Variants in ADAM9 observed in about 807,000 individuals in gnomAD.
The protein encoded by ADAM9 is disintegrin and metalloproteinase domain-containing protein 9.
In ADAM9, 54 loss-of-function variants were observed where a neutral mutation model predicts 108.1. The ratio of observed to expected loss-of-function variants is 0.50; its 90% CI spans 0.40 to 0.63. The LOEUF (loss-of-function observed/expected upper bound fraction) is 0.63, where lower values mean the gene tolerates loss of function less well. Ranked by LOEUF, ADAM9 falls within the 20% of genes least tolerant of loss-of-function variation. ADAM9 has a pLI of 0.00. For synonymous variants in ADAM9, 316 were observed against 336.0 expected (o/e 0.94, Z 0.65); for missense variants, 830 against 997.7 (o/e 0.83, Z 2.26).
intron 3 of ADAM9, among the ~76,000 whole-genome samples, chr8:39,013,091 A>G (rs1367774481): frequency 6.6e-6 from 1 of 152,190 alleles, no homozygotes; most frequent in Non-Finnish European, 1.5e-5. Flanking sequence ...CAGCTGCTCC[A>G]GTCCTGCTGC....
Position 39,016,178 on chromosome 8 carries a change from G to T in ADAM9, c.394G>T (p.Asp132Tyr), listed in dbSNP as rs761792735. 1.2e-6 allele frequency: 2 copies of T among 1,613,446 alleles called. No homozygotes were observed. The highest frequency in any genetic ancestry group is 1.7e-6 in the Non-Finnish European group (2 of 1,179,666). Residue 132 changes from aspartate to tyrosine, a missense_variant, in exon 5 of 22, where the codon GAC becomes TAC. By Grantham distance (160) the Asp-to-Tyr change is radical (BLOSUM62 -3). Coordinates refer to ENST00000487273, the MANE Select transcript of ADAM9 (RefSeq NM_003816.3). ...GVHNSSIALS[D>Y]CFGLRGLLHL... The stretch of plus-strand genomic sequence containing the variant: ...TCATAATTCATCCATTGCTCTTAGC[G>T]ACTGTTTTGGACTCAGGTAAGCAAT...
chr8:39,004,857 G>A (rs1443098726), intron 1 of ADAM9, among the ~76,000 whole-genome samples: 2 of 152,184 alleles, frequency 1.3e-5, no homozygotes, highest in Non-Finnish European at 2.9e-5. Flanking sequence ...CAGTGAGGAC[G>A]ACCAGAGGTC....
intron 1 of ADAM9, among the ~76,000 whole-genome samples, chr8:39,002,460 A>G (rs1298033831): frequency 6.6e-6 from 1 of 151,656 alleles, no homozygotes; most frequent in African/African-American, 2.4e-5. Flanking sequence ...CTGGGACTAC[A>G]GGCACGCACC....
intron 18 of ADAM9, among the ~76,000 whole-genome samples, chr8:39,087,385 T>C (rs1340608649): frequency 6.6e-6 from 1 of 152,258 alleles, no homozygotes; most frequent in African/African-American, 2.4e-5. Context: ...CCACCTTGGC[T>C]ATAACTGGAA....
intron 14 of ADAM9, among the ~76,000 whole-genome samples, chr8:39,070,107 C>T (rs1201681346): frequency 1.4e-5 from 2 of 147,854 alleles, no homozygotes; most frequent in African/African-American, 5.0e-5. Flanking sequence ...GAGCTATGAC[C>T]TTGCCACTGC....
chr8:39,020,702 T>A (rs1267563156), intron 7 of ADAM9, among the ~76,000 whole-genome samples: 1 of 152,234 alleles, frequency 6.6e-6, no homozygotes, highest in Non-Finnish European at 1.5e-5. Flanking sequence ...AGAAATGGTT[T>A]ATTGGTGCTG....
At chr8:38,997,279 G>C in intron 1 of ADAM9, 119 bp downstream of exon 1, 1 of 1,230,084 alleles carries the variant, frequency 8.1e-7, no homozygotes, top group Non-Finnish European at 1.1e-6. Flanking sequence ...CCCGGGGTCG[G>C]GGGGCGCGGC....
intron 1 of ADAM9, among the ~76,000 whole-genome samples, chr8:38,998,655 G>C (rs533525803): frequency 2.0e-5 from 3 of 152,220 alleles, no homozygotes; most frequent in South Asian, 2.1e-4. Context: ...AGAGATGTTG[G>C]GGAAGATTTT....
chr8:39,006,089 G>C (rs1836152235), intron 1 of ADAM9, among the ~76,000 whole-genome samples: 1 of 152,180 alleles, frequency 6.6e-6, no homozygotes, highest in Admixed American at 6.5e-5. Context: ...ACCTCGTACA[G>C]GGACTGTGTA....
At chr8:39,100,973 A>G (rs191995310) in intron 20 of ADAM9, among the ~76,000 whole-genome samples, 2 of 152,380 alleles carry the variant, frequency 1.3e-5, no homozygotes, top group Non-Finnish European at 2.9e-5. Context: ...GGAAGGATAT[A>G]ATGAATTCCA....
At chr8:39,095,474 T>G (rs1839475061) in intron 20 of ADAM9, among the ~76,000 whole-genome samples, 1 of 152,196 alleles carries the variant, frequency 6.6e-6, no homozygotes, top group African/African-American at 2.4e-5. Context: ...TGATTTTGAG[T>G]CCTAATATTG....
chr8:39,010,913 T>C (rs1451155853), intron 2 of ADAM9, among the ~76,000 whole-genome samples: 3 of 151,898 alleles, frequency 2.0e-5, no homozygotes, highest in African/African-American at 7.3e-5. Context: ...ACCAATGTGG[T>C]GAAACCCCGT....
chr8:39,079,705 C>G (rs867724593), intron 16 of ADAM9, among the ~76,000 whole-genome samples: 1 of 152,038 alleles, frequency 6.6e-6, no homozygotes, highest in Non-Finnish European at 1.5e-5. Flanking sequence ...GTGCCTCAGC[C>G]TCCCCAGTAG....
chr8:39,093,737 C>G (rs560487827), intron 20 of ADAM9, among the ~76,000 whole-genome samples: 1 of 152,178 alleles, frequency 6.6e-6, no homozygotes, highest in African/African-American at 2.4e-5. Context: ...TGATGTACAG[C>G]CTTTATTGTT....
chr8:39,002,291 G>C lies in ADAM9; in HGVS notation c.97+5131G>C, dbSNP rs115232725. ...CATGGTTTGGAGTTCACATTTGTTT[G>C]CTTTGCAATTAGGTAGAATTCTTTT... On this transcript the variant is annotated intron_variant, in intron 1 of 21. Coordinates refer to ENST00000487273, the MANE Select transcript of ADAM9 (RefSeq NM_003816.3). Among the ~76,000 whole-genome samples, 449 of 141,700 alleles carry C rather than the reference G, an allele frequency of 3.2e-3. 2 individuals are homozygous for C. The highest frequency in any genetic ancestry group is 0.011 in the Middle Eastern group (3 of 262). 93.0% of individuals were successfully genotyped at this position (141,700 alleles called of 152,430 possible). A position where few individuals can be genotyped will look rare whatever the true frequency, so the allele number is the denominator to read the frequency against.
At position 39,055,605 on chromosome 8, in the gene ADAM9, GA is replaced by G; in HGVS notation, c.1429del (p.Thr477ProfsTer67). ...RFLPGGTLCRGKTSECDVPEY... is the reference protein window; with the variant it reads ...RFLPGGTLCRXKTSECDVPEY... ...CTTCCAGGAGGTACTTTATGCCGAG[GA>G]AAAACCAGTGAGTGTGATGTTCCAG... On this transcript the variant is annotated frameshift_variant, in exon 14 of 22. Transcript: ENST00000487273. LOFTEE classifies it high-confidence loss of function. The G allele has an allele frequency of 6.2e-7, 1 of 1,613,570 alleles. No individual in the cohort carries two copies. Among genetic ancestry groups the G allele is most frequent in the Non-Finnish European group, 8.5e-7 (1 of 1,179,704 alleles).
At chr8:39,082,792 A>G in intron 17 of ADAM9, 71 bp downstream of exon 17, 1 of 1,418,062 alleles carries the variant, frequency 7.1e-7, no homozygotes, top group South Asian at 1.2e-5. Context: ...GGACTAGATG[A>G]GAGTTCCCAG....
At chr8:39,025,560 C>G (rs1346415432) in intron 9 of ADAM9, among the ~76,000 whole-genome samples, 1 of 152,062 alleles carries the variant, frequency 6.6e-6, no homozygotes, top group Non-Finnish European at 1.5e-5. Context: ...GGAGAGGTTT[C>G]ACCTAGAAGG....
At chr8:39,041,833 GCTT>G (rs1837463530) in intron 11 of ADAM9, 110 bp from the exon 12 acceptor site, 5 of 951,716 alleles carry the variant, frequency 5.3e-6, no homozygotes, top group Middle Eastern at 3.3e-4. Flanking sequence ...ACTTTTATTA[GCTT>G]CTTTTCTGTC....
Sources: allele counts gnomAD v4.1 joint callset (sites outside exome capture counted in the v4.1 genomes callset), GRCh38; gene constraint gnomAD v4.1.1; transcripts MANE v1.5; gene names NCBI Gene and HGNC (gene_info 2026-07-23, HGNC 2026-07-21).